Variants in TNS1 observed in about 807,000 individuals in gnomAD.
TNS1 encodes tensin 1.
In TNS1, 62 loss-of-function variants were observed where a neutral mutation model predicts 168.6. That is an observed-to-expected ratio of 0.37 (90% CI 0.30 to 0.45). TNS1 has a LOEUF of 0.45. Among genes scored for constraint, TNS1 ranks in the 20% least tolerant of loss-of-function variants. The probability of loss-of-function intolerance (pLI) is 1.00; values close to 1 mark genes in which losing one functional copy is unlikely to be tolerated. For synonymous variants in TNS1, 934 were observed against 933.2 expected (o/e 1.00, Z -0.02); for missense variants, 2,240 against 2,339.4 (o/e 0.96, Z 0.88).
intron 18 of TNS1, among the ~76,000 whole-genome samples, chr2:217,860,951 G>A (rs10168346): frequency 0.027 from 4,169 of 152,148 alleles, 193 homozygotes; most frequent in African/African-American, 0.095. Flanking sequence ...AGCCCCCAGG[G>A]AGTTTTATAA....
Position 217,886,086 on chromosome 2 carries a change from C to T in TNS1, c.998G>A (p.Arg333His), listed in dbSNP as rs374787049. The T allele has an allele frequency of 3.1e-5, 50 of 1,613,454 alleles. No homozygotes were observed. Among genetic ancestry groups the T allele is most frequent in the East Asian group, 1.8e-4 (8 of 44,874 alleles). The change falls in exon 14 of 33, where the codon CGC (arginine) becomes CAC (histidine). Residue 333 changes from arginine to histidine, a missense_variant. This residue lies in a region of TNS1 where 2,131 missense variants were observed against 2,171.2 expected (regional missense o/e 0.98). Coordinates refer to ENST00000682258, the MANE Select transcript of TNS1 (RefSeq NM_001387777.1). ...CACAGGTTGCATGGCCTGGTAGATG[C>T]GGAGAAATGGCCGACATCCTGTAAA... ...ESKGGCRPFL[R>H]IYQAMQPVYT...
At position 217,997,861 on chromosome 2, in the gene TNS1, C is replaced by G. The variant is rs539425942; in HGVS notation, c.33+4979G>C. Among the ~76,000 whole-genome samples the G allele has an allele frequency of 2.0e-3, 312 of 152,354 alleles. 2 individuals carry two copies. In the South Asian group the frequency reaches 0.027, roughly 13 times the overall value. The stretch of plus-strand genomic sequence containing the variant: ...TGTGTCAGATTACCTGCCAGGTAGA[C>G]GTGTCAGACACACATCTGCTCTGTG... On this transcript the variant is annotated intron_variant, in intron 1 of 32. Transcript: ENST00000682258.
Position 217,813,989 on chromosome 2 carries a change from T to C in TNS1, c.4730-173A>G. On this transcript the variant is annotated intron_variant, in intron 25 of 32. Transcript: ENST00000682258. This position sits in a 1 kb window ranked among gnomAD's most constrained non-coding sequence, Gnocchi z 4.0. ...CTTCCTGTACTCAGGTTGGCAAACTTATTCTGTTGGGTTTTTATGTTTGTT... is the reference window on the plus strand; with the variant it reads ...CTTCCTGTACTCAGGTTGGCAAACTCATTCTGTTGGGTTTTTATGTTTGTT... 1 of 684,892 alleles carries C rather than the reference T, an allele frequency of 1.5e-6. No individual in the cohort carries two copies. Among genetic ancestry groups the C allele is most frequent in the Non-Finnish European group, 2.1e-6 (1 of 466,456 alleles). 42.4% of individuals were successfully genotyped at this position (684,892 alleles called of 1,614,324 possible).
At chr2:217,879,346 G>A (rs1188168385) in intron 18 of TNS1, 25 of 408,768 alleles carry the variant, frequency 6.1e-5, no homozygotes, top group African/African-American at 3.2e-4. Flanking sequence ...CCAGCACAAC[G>A]ACCAATTAGG....
chr2:217,898,355 G>C (rs1196652995), intron 7 of TNS1, among the ~76,000 whole-genome samples: 3 of 152,234 alleles, frequency 2.0e-5, no homozygotes, highest in Admixed American at 2.0e-4. Flanking sequence ...TGGCCAGGCA[G>C]AAGTCTCCCG....
At chr2:217,810,536 T>C (rs754382068) in intron 28 of TNS1, among the ~76,000 whole-genome samples, 21 of 152,202 alleles carry the variant, frequency 1.4e-4, no homozygotes, top group Non-Finnish European at 2.6e-4. Context: ...CCAGCAGAAC[T>C]GGGCTCAAAC....
chr2:217,913,547 C>A (rs1575059294), intron 4 of TNS1, among the ~76,000 whole-genome samples: 1 of 152,098 alleles, frequency 6.6e-6, no homozygotes, highest in Non-Finnish European at 1.5e-5. Context: ...TGAAGCCACA[C>A]TGAGCATCTA....
At chr2:217,869,008 A>T (rs951955483) in intron 18 of TNS1, among the ~76,000 whole-genome samples, 3 of 152,256 alleles carry the variant, frequency 2.0e-5, no homozygotes, top group Non-Finnish European at 4.4e-5. Flanking sequence ...ATAGGGGATG[A>T]ATCATCCATG....
intron 20 of TNS1, among the ~76,000 whole-genome samples, chr2:217,835,499 T>C (rs188163965): frequency 6.6e-6 from 1 of 152,316 alleles, no homozygotes; most frequent in Non-Finnish European, 1.5e-5. Flanking sequence ...CCAGATCTAC[T>C]ACCCTGAAAT....
intron 3 of TNS1, among the ~76,000 whole-genome samples, chr2:217,940,143 G>A (rs1456963765): frequency 6.6e-6 from 1 of 152,220 alleles, no homozygotes; most frequent in African/African-American, 2.4e-5. Context: ...AGAAAGCTAA[G>A]AGCCATCTGG....
At chr2:217,919,668 A>G (rs1054861498) in intron 4 of TNS1, among the ~76,000 whole-genome samples, 2 of 152,338 alleles carry the variant, frequency 1.3e-5, no homozygotes, top group South Asian at 4.1e-4. Context: ...AGTCCAGGCT[A>G]TGGTGCAAGG....
At chr2:217,905,258 A>G in intron 6 of TNS1, 1 of 315,382 alleles carries the variant, frequency 3.2e-6, no homozygotes, top group South Asian at 2.4e-5. Flanking sequence ...GCCCCTCCCC[A>G]GTATGAGTAC....
At chr2:217,906,278 C>CAA in intron 6 of TNS1, 57 bp downstream of exon 6, 2 of 668,872 alleles carry the variant, frequency 3.0e-6, no homozygotes, top group Non-Finnish European at 2.7e-6. Context: ...CACCCCACCC[C>CAA]ATTCCCCCTG....
intron 18 of TNS1, among the ~76,000 whole-genome samples, chr2:217,853,077 C>G (rs1343254310): frequency 4.6e-5 from 7 of 152,134 alleles, no homozygotes; most frequent in South Asian, 2.1e-4. Context: ...AGCCCCCACT[C>G]CGGCACACAC....
At chr2:218,010,804 G>C (rs1048981466), upstream of TNS1, among the ~76,000 whole-genome samples, 1 of 152,160 alleles carries the variant, frequency 6.6e-6, no homozygotes, top group Non-Finnish European at 1.5e-5. Context: ...TTGCTCCCCA[G>C]GGCATAATGT....
chr2:217,933,714 G>T (rs1575109373), intron 3 of TNS1, among the ~76,000 whole-genome samples: 2 of 152,190 alleles, frequency 1.3e-5, no homozygotes, highest in East Asian at 3.8e-4. Context: ...TTGGCAAGCA[G>T]CAAATTCTCC....
chr2:217,890,026 T>C (rs1951585918), intron 12 of TNS1, among the ~76,000 whole-genome samples: 2 of 152,228 alleles, frequency 1.3e-5, no homozygotes, highest in Admixed American at 6.5e-5. Context: ...GGCACTGCCC[T>C]AGCCCAGGCA....
intron 3 of TNS1, among the ~76,000 whole-genome samples, chr2:217,926,535 G>A (rs1017156816): frequency 2.6e-5 from 4 of 152,192 alleles, no homozygotes; most frequent in African/African-American, 9.7e-5. Context: ...CACCCACTGT[G>A]TGTCTCTGAG....
At chr2:217,839,278 C>G (rs1487240980) in intron 19 of TNS1, among the ~76,000 whole-genome samples, 1 of 152,122 alleles carries the variant, frequency 6.6e-6, no homozygotes, top group Non-Finnish European at 1.5e-5. Flanking sequence ...ATCTTTAGGA[C>G]CCTAACACCC....
Sources: allele counts gnomAD v4.1 joint callset (sites outside exome capture counted in the v4.1 genomes callset), GRCh38; gene constraint gnomAD v4.1.1; regional missense constraint gnomAD v4.1.1; non-coding constraint Gnocchi (gnomAD v3.1); transcripts MANE v1.5; gene names NCBI Gene and HGNC (gene_info 2026-07-23, HGNC 2026-07-21).